DLC1: variants seen among roughly 807,000 people sequenced by gnomAD.
DLC1 encodes rho GTPase-activating protein 7.
DLC1 carries 54 observed loss-of-function variants against 140.3 expected under a neutral mutation model. The observed-to-expected ratio is 0.38, with a 90% CI of 0.31 to 0.48. The LOEUF (loss-of-function observed/expected upper bound fraction) is 0.48. Ranked by LOEUF, DLC1 falls within the 20% of genes least tolerant of loss-of-function variation. DLC1 has a pLI of 0.96. For synonymous variants in DLC1, 986 were observed against 728.1 expected (o/e 1.35, Z -5.70); for missense variants, 2,536 against 1,907.0 (o/e 1.33, Z -6.14).
At chr8:13,468,398 A>G (rs1800048654) in intron 2 of DLC1, among the ~76,000 whole-genome samples, 1 of 109,142 alleles carries the variant, frequency 9.2e-6, no homozygotes, top group African/African-American at 3.6e-5. Flanking sequence ...TCTGAGGCCC[A>G]GGCTGGAGTC....
At chr8:13,301,683 C>T (rs1182672784) in intron 5 of DLC1, among the ~76,000 whole-genome samples, 1 of 152,170 alleles carries the variant, frequency 6.6e-6, no homozygotes, top group African/African-American at 2.4e-5. Context: ...AGCCCTGGAC[C>T]AGTACCGGTC....
rs575513754 is a variant in DLC1, at chr8:13,459,205, A to T, written c.1023+39844T>A. Among the ~76,000 whole-genome samples the T allele has an allele frequency of 7.9e-5, 12 of 152,242 alleles. No individual in the cohort carries two copies. The South Asian group carries it at 2.5e-3, about 32-fold the overall frequency. ...TCCTTTTTTTCTTAATCTCTAGAGA[A>T]TTTCTAAGCTCTGTGAAGTTCTGTG... On this transcript the variant is annotated intron_variant, in intron 2 of 17. Coordinates refer to ENST00000276297, the MANE Select transcript of DLC1 (RefSeq NM_182643.3).
chr8:13,094,710 G>A, intron 12 of DLC1, 49 bp downstream of exon 12: 1 of 1,605,870 alleles, frequency 6.2e-7, no homozygotes, highest in Non-Finnish European at 8.5e-7. Context: ...GCTTCAGTTG[G>A]TCCCATTTTT....
At chr8:13,199,538 G>A (rs1827260491) in intron 5 of DLC1, among the ~76,000 whole-genome samples, 1 of 151,988 alleles carries the variant, frequency 6.6e-6, no homozygotes, top group South Asian at 2.1e-4. Context: ...TTTCCCACCT[G>A]CTCTGTTGTT....
Position 13,099,921 on chromosome 8 carries a change from C to T in DLC1, c.2416G>A (p.Val806Met). Residue 806 changes from valine (V) to methionine (M), a missense_variant, in exon 9 of 18, where the codon GTG (valine) becomes ATG (methionine). Transcript: ENST00000276297. ...TTGTGATCTTCAGGGATGTAGAACACCGTGTCCTCTGGGTAGCTCTCGCGG... is the reference window on the plus strand; with the variant it reads ...TTGTGATCTTCAGGGATGTAGAACATCGTGTCCTCTGGGTAGCTCTCGCGG... ...KNRESYPEDT[V>M]FYIPEDHKPG... The T allele has an allele frequency of 1.2e-6, 2 of 1,614,038 alleles. No individual in the cohort carries two copies. The highest frequency in any genetic ancestry group is 1.7e-6 in the Non-Finnish European group (2 of 1,180,050).
upstream of DLC1, among the ~76,000 whole-genome samples, chr8:13,515,991 G>A (rs1038526770): frequency 6.6e-6 from 1 of 152,118 alleles, no homozygotes; most frequent in African/African-American, 2.4e-5. Flanking sequence ...GTGGTTTTGG[G>A]ACATCCAGGC....
chr8:13,384,192 A>G (rs1368207263), intron 4 of DLC1, among the ~76,000 whole-genome samples: 1 of 152,186 alleles, frequency 6.6e-6, no homozygotes. Flanking sequence ...CAGATTGCAT[A>G]TTTTCATCCA....
chr8:13,598,730 T>C (rs1253362036), intron 1 of DLC1, among the ~76,000 whole-genome samples: 2 of 152,038 alleles, frequency 1.3e-5, no homozygotes, highest in African/African-American at 4.8e-5. Flanking sequence ...TAGTATTTAA[T>C]TAATCAATTT....
At chr8:13,601,740 C>T (rs1304814766) in intron 1 of DLC1, among the ~76,000 whole-genome samples, 1 of 151,348 alleles carries the variant, frequency 6.6e-6, no homozygotes, top group African/African-American at 2.4e-5. Context: ...TCTAAAAAAC[C>T]TGAGACAATT....
intron 2 of DLC1, among the ~76,000 whole-genome samples, chr8:13,488,188 C>T (rs1371467959): frequency 6.6e-6 from 1 of 152,120 alleles, no homozygotes; most frequent in Admixed American, 6.5e-5. Flanking sequence ...TAAAAACATT[C>T]CGTACATGAT....
At chr8:13,344,391 G>T (rs1223529783) in intron 4 of DLC1, among the ~76,000 whole-genome samples, 1 of 152,218 alleles carries the variant, frequency 6.6e-6, no homozygotes, top group South Asian at 2.1e-4. Context: ...TACTTGGGAG[G>T]CTGAGGCAGG....
At chr8:13,459,057 T>C (rs1206325485) in intron 2 of DLC1, among the ~76,000 whole-genome samples, 1 of 152,206 alleles carries the variant, frequency 6.6e-6, no homozygotes, top group Admixed American at 6.5e-5. Context: ...ATGAATAATA[T>C]TTAATAATGA....
At chr8:13,395,374 G>C (rs571387442) in intron 3 of DLC1, among the ~76,000 whole-genome samples, 1 of 152,188 alleles carries the variant, frequency 6.6e-6, no homozygotes, top group East Asian at 1.9e-4. Context: ...ACCCGCCTTG[G>C]CCTCCCAAAA....
At chr8:13,555,518 G>T (rs182128813) in intron 1 of DLC1, among the ~76,000 whole-genome samples, 1 of 152,058 alleles carries the variant, frequency 6.6e-6, no homozygotes, top group African/African-American at 2.4e-5. Context: ...TTGAGACGGA[G>T]TCTCACTCTG....
chr8:13,210,936 AAT>A (rs1239091719), intron 5 of DLC1, among the ~76,000 whole-genome samples: 1 of 152,220 alleles, frequency 6.6e-6, no homozygotes, highest in Non-Finnish European at 1.5e-5. Context: ...ATTTAAAATG[AAT>A]AGAGTGTCAG....
chr8:13,382,127 A>C (rs1210275194), intron 4 of DLC1, among the ~76,000 whole-genome samples: 1 of 152,174 alleles, frequency 6.6e-6, no homozygotes, highest in African/African-American at 2.4e-5. Flanking sequence ...GAAAGTAAAA[A>C]ATGTACCTAA....
At chr8:13,297,062 A>C (rs1406081561) in intron 5 of DLC1, among the ~76,000 whole-genome samples, 3 of 151,910 alleles carry the variant, frequency 2.0e-5, no homozygotes, top group African/African-American at 2.4e-5. Context: ...AAATCCTGTG[A>C]GTTCAAGATC....
chr8:13,432,155 A>G (rs1326868914), intron 2 of DLC1, among the ~76,000 whole-genome samples: 3 of 152,244 alleles, frequency 2.0e-5, no homozygotes, highest in Non-Finnish European at 4.4e-5. Flanking sequence ...CCTCACCAAA[A>G]TATATCTATT....
At chr8:13,261,568 G>A (rs1043771918) in intron 5 of DLC1, among the ~76,000 whole-genome samples, 3 of 152,150 alleles carry the variant, frequency 2.0e-5, no homozygotes, top group African/African-American at 7.2e-5. Context: ...TGGAGGTGGG[G>A]AGGCCAGTTG....
Sources: gnomAD v4.1 joint callset for allele counts (sites outside exome capture counted in the v4.1 genomes callset) on GRCh38, gnomAD v4.1.1 for gene constraint, MANE v1.5 for transcripts, NCBI Gene and HGNC (gene_info 2026-07-23, HGNC 2026-07-21) for gene names.